MED13L: variants seen among roughly 807,000 people sequenced by gnomAD.
MED13L encodes the protein mediator of RNA polymerase II transcription subunit 13-like.
MED13L carries 7 observed loss-of-function variants against 220.9 expected under a neutral mutation model. The observed-to-expected ratio is 0.03, with a 90% CI of 0.02 to 0.06. The LOEUF is 0.06. Ranked by LOEUF, MED13L falls within the 10% of genes least tolerant of loss-of-function variation. The pLI is 1.00. For missense variants in MED13L, 1,965 were observed against 2,760.5 expected, an observed-to-expected ratio of 0.71 and a Z score of 6.46; for synonymous variants, 1,011 against 1,015.2, an observed-to-expected ratio of 1.00 and a Z score of 0.08.
At chr12:116,099,700 G>A (rs1872906209) in intron 3 of MED13L, among the ~76,000 whole-genome samples, 1 of 152,186 alleles carries the variant, frequency 6.6e-6, no homozygotes, top group Non-Finnish European at 1.5e-5. Flanking sequence ...TCTATATGCT[G>A]GACTTCATTC....
At chr12:116,128,445 GA>G (rs34961794) in intron 2 of MED13L, among the ~76,000 whole-genome samples, 50 of 144,116 alleles carry the variant, frequency 3.5e-4, no homozygotes, top group Middle Eastern at 3.6e-3. Context: ...TATTCTTGAG[GA>G]AAAAAAAAAA....
chr12:116,051,933 C>T (rs945925605), intron 4 of MED13L, among the ~76,000 whole-genome samples: 1 of 152,102 alleles, frequency 6.6e-6, no homozygotes, highest in Non-Finnish European at 1.5e-5. Flanking sequence ...AGCCAAATTT[C>T]CAGCATTTAA....
chr12:116,037,834 G>C (rs1016875753), intron 4 of MED13L, among the ~76,000 whole-genome samples: 1 of 152,134 alleles, frequency 6.6e-6, no homozygotes, highest in African/African-American at 2.4e-5. Flanking sequence ...TTAATTCAAA[G>C]AGTCGAAGAG....
chr12:116,160,428 A>G (rs1255379575), intron 2 of MED13L, among the ~76,000 whole-genome samples: 1 of 152,254 alleles, frequency 6.6e-6, no homozygotes, highest in Non-Finnish European at 1.5e-5. Context: ...GAGCCCTGCA[A>G]TAGTCACCTG....
chr12:116,252,188 T>C (rs1005627938), intron 1 of MED13L, among the ~76,000 whole-genome samples: 3 of 152,080 alleles, frequency 2.0e-5, no homozygotes, highest in East Asian at 3.8e-4. Flanking sequence ...AATAACCAAA[T>C]TGACATTTAT....
At chr12:116,247,446 T>C (rs182662013) in intron 1 of MED13L, among the ~76,000 whole-genome samples, 173 of 152,352 alleles carry the variant, frequency 1.1e-3, no homozygotes, top group African/African-American at 3.9e-3. Flanking sequence ...GACTGTTTCT[T>C]TTCTCCATTT....
At chr12:116,004,368 C>T (rs577943950) in intron 13 of MED13L, among the ~76,000 whole-genome samples, 1 of 152,110 alleles carries the variant, frequency 6.6e-6, no homozygotes, top group Non-Finnish European at 1.5e-5. Context: ...GAGTTTTTCA[C>T]ATTTTCATGT....
chr12:116,036,424 G>T (rs1341921721), intron 4 of MED13L, among the ~76,000 whole-genome samples: 1 of 152,144 alleles, frequency 6.6e-6, no homozygotes, highest in Non-Finnish European at 1.5e-5. Flanking sequence ...AGAAACTAGT[G>T]CTCCAGATCA....
chr12:116,212,581 A>G (rs1030350952), intron 2 of MED13L, among the ~76,000 whole-genome samples: 4 of 152,188 alleles, frequency 2.6e-5, no homozygotes, highest in Non-Finnish European at 5.9e-5. Context: ...AATACAGCAC[A>G]TATGGAGCAA....
At chr12:115,970,146 T>C (rs559840833) in intron 27 of MED13L, among the ~76,000 whole-genome samples, 8 of 152,282 alleles carry the variant, frequency 5.3e-5, no homozygotes, top group Admixed American at 2.6e-4. Context: ...TTTAAACAAA[T>C]ACCTTAACAG....
chr12:116,193,895 G>T (rs1881446746), intron 2 of MED13L, among the ~76,000 whole-genome samples: 1 of 152,124 alleles, frequency 6.6e-6, no homozygotes, highest in South Asian at 2.1e-4. Context: ...AACTCAATGA[G>T]AAGCTAGTCA....
At chr12:116,089,280 A>ACTCCTGGG (rs1489464195) in intron 4 of MED13L, among the ~76,000 whole-genome samples, 3 of 152,038 alleles carry the variant, frequency 2.0e-5, no homozygotes, top group African/African-American at 7.2e-5. Context: ...GAACTCCTGA[A>ACTCCTGGG]CTCCTGGGCT....
chr12:116,143,304 C>G (rs1877234717), intron 2 of MED13L, among the ~76,000 whole-genome samples: 1 of 150,338 alleles, frequency 6.7e-6, no homozygotes, highest in South Asian at 2.1e-4. Context: ...TCATTTGAGC[C>G]CAGGGGACAC....
In MED13L at chr12:116,008,640, C is replaced by A. The variant is rs3741768; in HGVS notation, c.1773G>T (p.Gln591His). 10 of 1,613,836 alleles carry A rather than the reference C, an allele frequency of 6.2e-6. No homozygotes were observed. Among genetic ancestry groups the A allele is most frequent in the Non-Finnish European group, 8.5e-6 (10 of 1,179,958 alleles). ...ALYGNGLELQ[Q>H]LSTLDDRTVL... Reference sequence around the variant, plus strand: ...CAGTTCTGTCATCCAGAGTAGACAACTGCTGGAGTTCTAGTCCATTTCCAT... The same window carrying A: ...CAGTTCTGTCATCCAGAGTAGACAAATGCTGGAGTTCTAGTCCATTTCCAT... The change falls in exon 10 of 31, where the codon CAG becomes CAT. Residue 591 changes from glutamine (Q) to histidine (H), a missense_variant. Coordinates refer to ENST00000281928, the MANE Select transcript of MED13L (RefSeq NM_015335.5).
chr12:115,991,024 G>A lies in MED13L; in HGVS notation c.3930C>T (p.Ser1310=), dbSNP rs769509460. 3.1e-6 allele frequency: 5 copies of A among 1,613,504 alleles called. No homozygotes were observed. In the Admixed American group the frequency reaches 8.3e-5, roughly 27 times the overall value. Residue 1310 remains serine (S), a synonymous_variant, in exon 17 of 31, where the codon AGC becomes AGT. Coordinates refer to ENST00000281928, the MANE Select transcript of MED13L (RefSeq NM_015335.5). This position sits in a 1 kb window ranked among gnomAD's most constrained non-coding sequence, Gnocchi z 7.7. ...RSATVHSWPH[S]NVLDISMLSS... Reference sequence around the variant, plus strand: ...TTTGTGTTCTGGGACACCTACCATTGCTGTGAGGCCAAGAGTGCACAGTGG... The same window carrying A: ...TTTGTGTTCTGGGACACCTACCATTACTGTGAGGCCAAGAGTGCACAGTGG...
chr12:116,206,875 T>G (rs1197508653), intron 2 of MED13L, among the ~76,000 whole-genome samples: 1 of 152,114 alleles, frequency 6.6e-6, no homozygotes, highest in Non-Finnish European at 1.5e-5. Context: ...ATAAAATGAT[T>G]AACTTTTTTT....
intron 4 of MED13L, among the ~76,000 whole-genome samples, chr12:116,051,951 T>C (rs2137589006): frequency 6.6e-6 from 1 of 152,246 alleles, no homozygotes; most frequent in South Asian, 2.1e-4. Flanking sequence ...TAAAGAGATG[T>C]TAAGAAAACA....
chr12:116,197,515 C>T (rs867711548), intron 2 of MED13L, among the ~76,000 whole-genome samples: 11 of 152,180 alleles, frequency 7.2e-5, no homozygotes, highest in Middle Eastern at 6.8e-3. Context: ...CCCTGTAATC[C>T]CAGCATTTTG....
chr12:116,011,744 G>GA (rs1432059849), intron 9 of MED13L, among the ~76,000 whole-genome samples: 1 of 152,160 alleles, frequency 6.6e-6, no homozygotes, highest in African/African-American at 2.4e-5. Context: ...CATCCTCCCT[G>GA]AAAAATCAAT....
Sources: gnomAD v4.1 joint callset for allele counts (sites outside exome capture counted in the v4.1 genomes callset) on GRCh38, gnomAD v4.1.1 for gene constraint, Gnocchi (gnomAD v3.1) non-coding constraint, MANE v1.5 for transcripts, NCBI Gene and HGNC (gene_info 2026-07-23, HGNC 2026-07-21) for gene names.